The following TMEM250 variants were observed in gnomAD, a reference collection of about 807,000 sequenced individuals.
TMEM250 encodes herpes virus UL25-binding protein.
A neutral mutation model predicts 7.0 loss-of-function variants in TMEM250; 7 were observed. That is an observed-to-expected ratio of 1.00 (90% CI 0.57 to 1.87). TMEM250 has a LOEUF of 1.87. Ranked by LOEUF, TMEM250 falls within the 40% of genes most tolerant of loss-of-function variation. The pLI, the probability that TMEM250 is intolerant of heterozygous loss-of-function variation, is 0.00. For synonymous variants in TMEM250, 135 were observed against 96.7 expected (o/e 1.40, Z -2.32); for missense variants, 196 against 202.5 (o/e 0.97, Z 0.19).
In TMEM250 at chr9:136,117,130, C is replaced by T. The variant is rs535262478; in HGVS notation, c.-124-106G>A. 6.9e-5 allele frequency: 44 copies of T among 635,092 alleles called. No individual in the cohort carries two copies. In the African/African-American group the frequency reaches 7.5e-4, roughly 11 times the overall value. The allele number at this position is 635,092 out of a possible 1,614,324, so 39.3% of individuals were successfully genotyped here. A position where few individuals can be genotyped will look rare whatever the true frequency, so the allele number is the denominator to read the frequency against. ...GACACAAACTCCAGCACCAGGACTA[C>T]GGGAAAATGGAGTCCAGGGCGGGAT... On this transcript the variant is annotated intron_variant, in intron 1 of 1. Transcript: ENST00000418388.
Position 136,116,054 on chromosome 9 carries a change from G to A in TMEM250, c.*427C>T. On this transcript the variant is annotated 3_prime_UTR_variant, in exon 2 of 2. Transcript: ENST00000418388. Reference sequence around the variant, plus strand: ...GCTGGGGCTGGGGCCAGGGCACGCAGAAGGGGCTGTGCAGCCAGGAGGGCC... The same window carrying A: ...GCTGGGGCTGGGGCCAGGGCACGCAAAAGGGGCTGTGCAGCCAGGAGGGCC... The A allele has an allele frequency of 2.4e-6, 1 of 413,948 alleles. No individual in the cohort carries two copies. Among genetic ancestry groups the A allele is most frequent in the Non-Finnish European group, 4.2e-6 (1 of 235,600 alleles). 25.6% of individuals were successfully genotyped at this position (413,948 alleles called of 1,614,324 possible).
rs953845488 is a variant in TMEM250, at chr9:136,114,735, C to G, written c.*1746G>C. 9 of 152,260 alleles carry G rather than the reference C, an allele frequency of 5.9e-5. No homozygotes were observed. The highest frequency in any genetic ancestry group is 1.4e-4 in the African/African-American group (6 of 41,464). 9.4% of individuals were successfully genotyped at this position (152,260 alleles called of 1,614,324 possible). A position where few individuals can be genotyped will look rare whatever the true frequency, so the allele number is the denominator to read the frequency against. ...GACACCGCACGAGCGGCACCACCAG[C>G]CCCCTCCCGCCTCCCGTCCCACCTT... On this transcript the variant is annotated 3_prime_UTR_variant, in exon 2 of 2. Coordinates refer to ENST00000418388, the MANE Select transcript of TMEM250 (RefSeq NM_152833.3).
At chr9:136,117,189 C>G (rs1031304472) in intron 1 of TMEM250, among the ~76,000 whole-genome samples, 165 bp from the exon 2 acceptor site, 2 of 152,230 alleles carry the variant, frequency 1.3e-5, no homozygotes, top group Non-Finnish European at 2.9e-5. Flanking sequence ...TCCACAAACC[C>G]TCCCAAGGAT....
chr9:136,117,643 C>T (rs979129001), intron 1 of TMEM250, among the ~76,000 whole-genome samples: 2 of 152,254 alleles, frequency 1.3e-5, no homozygotes, highest in Non-Finnish European at 2.9e-5. Context: ...CCTTCCCTAG[C>T]AGTGACTTTG....
chr9:136,117,494 G>A (rs569806030), intron 1 of TMEM250, among the ~76,000 whole-genome samples: 5 of 152,240 alleles, frequency 3.3e-5, no homozygotes, highest in Non-Finnish European at 5.9e-5. Flanking sequence ...CCACAGGGCC[G>A]GGAAAAGGGA....
At chr9:136,117,156 C>T (rs1339919961) in intron 1 of TMEM250, 132 bp from the exon 2 acceptor site, 1 of 500,272 alleles carries the variant, frequency 2.0e-6, no homozygotes. Context: ...AGGGCGGGAT[C>T]TGCAGGCACT....
intron 1 of TMEM250, among the ~76,000 whole-genome samples, chr9:136,117,456 G>T (rs1416520555): frequency 6.6e-6 from 1 of 152,260 alleles, no homozygotes; most frequent in African/African-American, 2.4e-5. Context: ...GCTGATGCAA[G>T]CCCTTAAATG....
chr9:136,116,731 A>G lies in TMEM250; in HGVS notation c.170T>C (p.Leu57Pro), dbSNP rs1437072026. 12 of 1,612,530 alleles carry G rather than the reference A, an allele frequency of 7.4e-6. No homozygotes were observed. Among genetic ancestry groups the G allele is most frequent in the Non-Finnish European group, 1.0e-5 (12 of 1,179,732 alleles). Residue 57 changes from leucine (L) to proline (P), a missense_variant, in exon 2 of 2, where the codon CTA (leucine) becomes CCA (proline). Physicochemically the swap from Leu to Pro is moderately conservative, Grantham distance 98. Transcript: ENST00000418388. The part of the protein sequence containing the change: ...TRWLYGFIRF[L>P]LYFSCSLFTA... ...GAACAGGCTGCAGCTAAAGTAGAGT[A>G]GGAAGCGGATGAAGCCGTACAGCCA... is the stretch of plus-strand genomic sequence containing the variant.
Position 136,116,344 on chromosome 9 carries a change from CTTTCT to C in TMEM250, c.*132_*136del. 7.0e-7 allele frequency: 1 copy of C among 1,430,260 alleles called. No individual in the cohort carries two copies. The highest frequency in any genetic ancestry group is 1.4e-5 in the African/African-American group (1 of 69,664). 88.6% of individuals were successfully genotyped at this position (1,430,260 alleles called of 1,614,324 possible). A position where few individuals can be genotyped will look rare whatever the true frequency, so the allele number is the denominator to read the frequency against. On this transcript the variant is annotated 3_prime_UTR_variant, in exon 2 of 2. Coordinates refer to ENST00000418388, the MANE Select transcript of TMEM250 (RefSeq NM_152833.3). ...CGCCCCCATCACAGAAGTCTCAGCC[CTTTCT>C]TTTCTCTCCGTGGGCGCCGGGCAGC...
intron 1 of TMEM250, among the ~76,000 whole-genome samples, chr9:136,117,474 C>T (rs1036222231): frequency 5.3e-5 from 8 of 152,354 alleles, no homozygotes; most frequent in African/African-American, 1.9e-4. Flanking sequence ...ATGGCATCTG[C>T]AAGAAGCCAC....
rs1830694488 is a variant in TMEM250 at position 136,116,044 on chromosome 9, A to G, written c.*437T>C. The stretch of plus-strand genomic sequence containing the variant: ...TGTCCCGTTGGCTGGGGCTGGGGCC[A>G]GGGCACGCAGAAGGGGCTGTGCAGC... On this transcript the variant is annotated 3_prime_UTR_variant, in exon 2 of 2. Coordinates refer to ENST00000418388, the MANE Select transcript of TMEM250 (RefSeq NM_152833.3). 4.9e-6 allele frequency: 2 copies of G among 411,286 alleles called. No homozygotes were observed. Among genetic ancestry groups the G allele is most frequent in the Non-Finnish European group, 8.5e-6 (2 of 234,188 alleles). 25.5% of individuals were successfully genotyped at this position (411,286 alleles called of 1,614,324 possible).
intron 1 of TMEM250, 105 bp downstream of exon 1, chr9:136,118,380 G>C (rs925077184): frequency 6.6e-6 from 1 of 151,842 alleles, no homozygotes; most frequent in Non-Finnish European, 1.5e-5. Flanking sequence ...CGCCGCGCCG[G>C]GCCCCCTGGC....
In TMEM250 at chr9:136,116,207, C is replaced by T; in HGVS notation, c.*274G>A. 1.8e-6 allele frequency: 1 copy of T among 567,346 alleles called. No individual in the cohort carries two copies. The highest frequency in any genetic ancestry group is 3.0e-6 in the Non-Finnish European group (1 of 334,944). The allele number at this position is 567,346 out of a possible 1,614,324, so 35.1% of individuals were successfully genotyped here. ...AGAGAGGCGGAACGGAGGGCCCACC[C>T]CGCAGTACGACCCGAAGACATGTGA... On this transcript the variant is annotated 3_prime_UTR_variant, in exon 2 of 2. Transcript: ENST00000418388.
chr9:136,117,351 C>T (rs181738275), intron 1 of TMEM250, among the ~76,000 whole-genome samples: 1 of 152,308 alleles, frequency 6.6e-6, no homozygotes, highest in East Asian at 1.9e-4. Flanking sequence ...CTCTTTCCTG[C>T]AGGATCCTCG....
rs1830720107 is a variant in TMEM250, at chr9:136,116,975, G to C, written c.-75C>G. 16 of 1,379,772 alleles carry C rather than the reference G, an allele frequency of 1.2e-5. No homozygotes were observed. The highest frequency in any genetic ancestry group is 1.5e-5 in the Non-Finnish European group (16 of 1,073,390). The allele number at this position is 1,379,772 out of a possible 1,614,324, so 85.5% of individuals were successfully genotyped here. A position where few individuals can be genotyped will look rare whatever the true frequency, so the allele number is the denominator to read the frequency against. Reference sequence around the variant, plus strand: ...AGGCGGCTGTTGGCGTAGGGGTCATGGGCGCCTAGGCCTGGGAGCCCGCAG... The same window carrying C: ...AGGCGGCTGTTGGCGTAGGGGTCATCGGCGCCTAGGCCTGGGAGCCCGCAG... On this transcript the variant is annotated 5_prime_UTR_variant, in exon 2 of 2. Transcript: ENST00000418388.
Position 136,116,083 on chromosome 9 carries a change from C to A in TMEM250, c.*398G>T. 2.4e-6 allele frequency: 1 copy of A among 417,878 alleles called. No homozygotes were observed. The highest frequency in any genetic ancestry group is 3.5e-5 in the East Asian group (1 of 28,624). 25.9% of individuals were successfully genotyped at this position (417,878 alleles called of 1,614,324 possible). ...GGGCTGTGCAGCCAGGAGGGCCCCC[C>A]TCCGGAATTGCTCCTGGGCACACAG... is the stretch of plus-strand genomic sequence containing the variant. On this transcript the variant is annotated 3_prime_UTR_variant, in exon 2 of 2. Transcript: ENST00000418388.
At position 136,116,907 on chromosome 9, in the gene TMEM250, C is replaced by CCGGCGG. The variant is rs750154236; in HGVS notation, c.-13_-8dup. On this transcript the variant is annotated 5_prime_UTR_variant, in exon 2 of 2. Transcript: ENST00000418388. The stretch of plus-strand genomic sequence containing the variant: ...GAATGGGCATGACCGGCATTGGGCC[C>CCGGCGG]CGGCGGCGGCGGCGCTAGGTCGCAG... 3 of 1,498,234 alleles carry CCGGCGG rather than the reference C, an allele frequency of 2.0e-6. No homozygotes were observed. The highest frequency in any genetic ancestry group is 2.8e-5 in the African/African-American group (2 of 70,642). The allele number at this position is 1,498,234 out of a possible 1,614,324, so 92.8% of individuals were successfully genotyped here. A position where few individuals can be genotyped will look rare whatever the true frequency, so the allele number is the denominator to read the frequency against.
At chr9:136,118,096 C>T (rs936177450) in intron 1 of TMEM250, 1 of 152,282 alleles carries the variant, frequency 6.6e-6, no homozygotes, top group South Asian at 2.1e-4. Flanking sequence ...CCGCCCGGCT[C>T]CTCCACGGGG....
At position 136,116,778 on chromosome 9, in the gene TMEM250, G is replaced by A. The variant is rs371618276; in HGVS notation, c.123C>T (p.Phe41=). The A allele has an allele frequency of 4.3e-6, 7 of 1,612,394 alleles. No individual in the cohort carries two copies. Among genetic ancestry groups the A allele is most frequent in the Non-Finnish European group, 5.9e-6 (7 of 1,179,712 alleles). Reference sequence around the variant, plus strand: ...GCCAGCGCGTCTTGATGTACACGTCGAAGTTGTTGTACTTGGTGCGGGCCA... The same window carrying A: ...GCCAGCGCGTCTTGATGTACACGTCAAAGTTGTTGTACTTGGTGCGGGCCA... ...SHLARTKYNN[F]DVYIKTRWLY... The change falls in exon 2 of 2, where the codon TTC becomes TTT. Residue 41 remains phenylalanine (F), a synonymous_variant. Coordinates refer to ENST00000418388, the MANE Select transcript of TMEM250 (RefSeq NM_152833.3).
Sources: gnomAD v4.1 joint callset for allele counts (sites outside exome capture counted in the v4.1 genomes callset) on GRCh38, gnomAD v4.1.1 for gene constraint, MANE v1.5 for transcripts, NCBI Gene and HGNC (gene_info 2026-07-23, HGNC 2026-07-21) for gene names.